CACNA1S: variants seen among roughly 807,000 people sequenced by gnomAD.
The protein encoded by CACNA1S is calcium voltage-gated channel subunit alpha1 S, also known as voltage-dependent L-type calcium channel subunit alpha-1S.
Under a neutral mutation model 207.4 loss-of-function variants are expected in CACNA1S, and 126 were observed. The ratio of observed to expected loss-of-function variants is 0.61; its 90% CI spans 0.53 to 0.70. CACNA1S has a LOEUF of 0.70. Ranked by LOEUF, CACNA1S falls within the 30% of genes least tolerant of loss-of-function variation. CACNA1S has a pLI of 0.00. For missense variants in CACNA1S, 2,349 were observed against 2,422.8 expected (o/e 0.97, Z 0.64); for synonymous variants, 960 against 932.7 (o/e 1.03, Z -0.53).
intron 5 of CACNA1S, among the ~76,000 whole-genome samples, chr1:201,090,779 G>C (rs1662195634): frequency 6.6e-6 from 1 of 152,122 alleles, no homozygotes; most frequent in African/African-American, 2.4e-5. Flanking sequence ...TTGTGATTTG[G>C]CAGCACACAC....
chr1:201,050,262 C>T (rs1172435331), intron 34 of CACNA1S, 127 bp downstream of exon 34: 2 of 1,024,944 alleles, frequency 2.0e-6, no homozygotes, highest in Non-Finnish European at 3.1e-6. Context: ...TGATCTGAGA[C>T]CTCAGATAAA....
rs755109357 is a variant in CACNA1S at position 201,075,483 on chromosome 1, C to T, written c.1948+12G>A. The T allele has an allele frequency of 4.3e-6, 7 of 1,613,510 alleles. No homozygotes were observed. The highest frequency in any genetic ancestry group is 5.9e-6 in the Non-Finnish European group (7 of 1,179,878). On this transcript the variant is annotated intron_variant, in intron 13 of 43. Transcript: ENST00000362061. ...CTAAGCTCTTTTCTGCACCCTGCTC[C>T]CGAGAGGATACAGTTGCCACAGACG...
In CACNA1S at chr1:201,090,392, G is replaced by A. The variant is rs12065286; in HGVS notation, c.695-929C>T. 4.4e-3 allele frequency among the ~76,000 whole-genome samples: 669 copies of A among 152,292 alleles called. 5 individuals carry two copies. The highest frequency in any genetic ancestry group is 0.015 in the African/African-American group (637 of 41,556). On this transcript the variant is annotated intron_variant, in intron 5 of 43. Transcript: ENST00000362061. ...GATGTAGATTGTGGTGGTGATGGGAGGAGGCTGAAATGGGAGGGGTCTAGG... is the reference window on the plus strand; with the variant it reads ...GATGTAGATTGTGGTGGTGATGGGAAGAGGCTGAAATGGGAGGGGTCTAGG...
intron 16 of CACNA1S, among the ~76,000 whole-genome samples, chr1:201,071,790 C>T (rs1484999532): frequency 6.6e-6 from 1 of 152,204 alleles, no homozygotes; most frequent in Non-Finnish European, 1.5e-5. Flanking sequence ...ATATTCATTG[C>T]TGGTAGATAT....
chr1:201,073,895 T>C (rs942605730), intron 14 of CACNA1S, among the ~76,000 whole-genome samples: 2 of 152,122 alleles, frequency 1.3e-5, no homozygotes, highest in African/African-American at 4.8e-5. Context: ...TGGTTGATAG[T>C]GAATGGGTGG....
At chr1:201,103,453 T>A (rs79829191) in intron 2 of CACNA1S, among the ~76,000 whole-genome samples, 21,169 of 151,996 alleles carry the variant, frequency 0.14, 1,596 homozygotes, top group Admixed American at 0.22. Flanking sequence ...AAGGCTTCTG[T>A]TGTTCAGCTA....
At chr1:201,045,734 CAAAAAAAAAAAAA>C (rs56958698) in intron 38 of CACNA1S, among the ~76,000 whole-genome samples, 3 of 72,648 alleles carry the variant, frequency 4.1e-5, no homozygotes, top group East Asian at 4.1e-4. Flanking sequence ...CTCTTGTCTC[CAAAAAAAAAAAAA>C]AAAAAAAAAA....
intron 2 of CACNA1S, among the ~76,000 whole-genome samples, chr1:201,094,388 TTATC>T (rs1317350026): frequency 6.6e-6 from 1 of 152,228 alleles, no homozygotes; most frequent in Non-Finnish European, 1.5e-5. Context: ...ATCTTGTTCA[TTATC>T]TATCTTCTCC....
chr1:201,073,044 G>A (rs961022093), intron 15 of CACNA1S, among the ~76,000 whole-genome samples: 36 of 152,284 alleles, frequency 2.4e-4, no homozygotes, highest in African/African-American at 7.5e-4. Context: ...GCCTGAGCCC[G>A]CCCTAGCCTG....
chr1:201,054,493 G>C lies in CACNA1S; in HGVS notation c.3666+12C>G. 6.2e-7 allele frequency: 1 copy of C among 1,613,490 alleles called. No individual in the cohort carries two copies. Among genetic ancestry groups the C allele is most frequent in the South Asian group, 1.1e-5 (1 of 91,048 alleles). On this transcript the variant is annotated intron_variant, in intron 29 of 43. Transcript: ENST00000362061. The stretch of plus-strand genomic sequence containing the variant: ...TGAGCGTGCCAGGCAGGCTCGTGCA[G>C]CCTGAAATTACAACGTTCCCGCAGC...
At chr1:201,088,005 A>G (rs375559905) in intron 6 of CACNA1S, 76 bp from the exon 7 acceptor site, 33 of 949,916 alleles carry the variant, frequency 3.5e-5, no homozygotes, top group African/African-American at 2.9e-4. Context: ...TTAAGACTCC[A>G]CCCAACCCTG....
rs571529151 is a variant in CACNA1S, at chr1:201,079,619, C to T, written c.1394-1515G>A. ...AGAGCGCTTTGACCGCTCTGGGACC[C>T]GCAGCTACAGGTTTTCCTCAGCAGG... On this transcript the variant is annotated intron_variant, in intron 10 of 43. Coordinates refer to ENST00000362061, the MANE Select transcript of CACNA1S (RefSeq NM_000069.3). Among the ~76,000 whole-genome samples, 5 of 150,808 alleles carry T rather than the reference C, an allele frequency of 3.3e-5. No homozygotes were observed. The South Asian group carries it at 6.4e-4, about 19-fold the overall frequency.
intron 9 of CACNA1S, among the ~76,000 whole-genome samples, chr1:201,083,554 A>G (rs920027226): frequency 1.3e-5 from 2 of 152,218 alleles, no homozygotes; most frequent in African/African-American, 4.8e-5. Context: ...GAGAGGATGC[A>G]CGCAAAATGC....
intron 2 of CACNA1S, among the ~76,000 whole-genome samples, chr1:201,095,788 G>A (rs1044233737): frequency 1.3e-5 from 2 of 152,290 alleles, no homozygotes; most frequent in South Asian, 4.1e-4. Context: ...TGGGGCAGCT[G>A]CTCCAAGGAG....
intron 40 of CACNA1S, among the ~76,000 whole-genome samples, chr1:201,042,119 T>C (rs1660256768): frequency 6.6e-6 from 1 of 152,184 alleles, no homozygotes; most frequent in African/African-American, 2.4e-5. Context: ...TATTTGGTGT[T>C]TTTTGTTTAT....
At chr1:201,088,866 CTAA>C (rs765563742) in intron 6 of CACNA1S, among the ~76,000 whole-genome samples, 58 of 152,258 alleles carry the variant, frequency 3.8e-4, no homozygotes, top group Admixed American at 9.2e-4. Context: ...AAACTAATAT[CTAA>C]TAATAGTTAT....
At chr1:201,045,734 C>CAAAAAAAAAAA (rs56958698) in intron 38 of CACNA1S, among the ~76,000 whole-genome samples, 1 of 72,646 alleles carries the variant, frequency 1.4e-5, no homozygotes. Flanking sequence ...CTCTTGTCTC[C>CAAAAAAAAAAA]AAAAAAAAAA....
chr1:201,044,493 C>G (rs745788419), intron 38 of CACNA1S, 37 bp from the exon 39 acceptor site: 57 of 1,606,978 alleles, frequency 3.5e-5, no homozygotes, highest in Non-Finnish European at 4.5e-5. Context: ...TCTCTCCAGC[C>G]CAGGAGAGGA....
intron 3 of CACNA1S, 25 bp from the exon 4 acceptor site, chr1:201,092,139 G>C: frequency 6.2e-7 from 1 of 1,613,972 alleles, no homozygotes. Flanking sequence ...AGGGAGAGAG[G>C]GGGTCCAGGG....
Sources: gnomAD v4.1 joint callset for allele counts (sites outside exome capture counted in the v4.1 genomes callset) on GRCh38, gnomAD v4.1.1 for gene constraint, MANE v1.5 for transcripts, NCBI Gene and HGNC (gene_info 2026-07-23, HGNC 2026-07-21) for gene names.